The following CSMD1 variants were observed in gnomAD, a reference collection of about 807,000 sequenced individuals.
CSMD1 encodes the protein CUB and Sushi multiple domains 1.
A neutral mutation model predicts 417.5 loss-of-function variants in CSMD1; 213 were observed. The observed-to-expected ratio is 0.51, with a 90% CI of 0.46 to 0.57. CSMD1 has a LOEUF of 0.57. CSMD1 is among the 20% of genes least tolerant of loss of function. CSMD1 has a pLI of 0.00. For missense variants in CSMD1, 6,923 were observed against 4,529.7 expected (o/e 1.53, Z -15.17); for synonymous variants, 2,862 against 1,736.8 (o/e 1.65, Z -16.11).
intron 3 of CSMD1, among the ~76,000 whole-genome samples, chr8:4,228,902 G>A (rs1005702739): frequency 2.0e-5 from 3 of 152,026 alleles, no homozygotes; most frequent in Non-Finnish European, 4.4e-5. Flanking sequence ...GGCTGGTCTT[G>A]AACTCCTGAC....
At chr8:4,326,413 G>T (rs1042778179) in intron 3 of CSMD1, among the ~76,000 whole-genome samples, 1 of 152,070 alleles carries the variant, frequency 6.6e-6, no homozygotes, top group African/African-American at 2.4e-5. Context: ...ATAAAAAGAT[G>T]GGAAAACCAA....
intron 23 of CSMD1, among the ~76,000 whole-genome samples, chr8:3,310,639 T>A (rs141282417): frequency 6.6e-6 from 1 of 152,302 alleles, no homozygotes; most frequent in Non-Finnish European, 1.5e-5. Context: ...GTTCAGCATC[T>A]ATCCCTATGA....
At chr8:3,836,368 G>C (rs1487064428) in intron 5 of CSMD1, among the ~76,000 whole-genome samples, 3 of 152,100 alleles carry the variant, frequency 2.0e-5, no homozygotes, top group African/African-American at 7.2e-5. Flanking sequence ...ATCCTTGTGG[G>C]AATCCCAAGG....
chr8:4,709,019 T>C (rs1808125127), intron 1 of CSMD1, among the ~76,000 whole-genome samples: 2 of 152,232 alleles, frequency 1.3e-5, no homozygotes, highest in African/African-American at 2.4e-5. Context: ...ACAAAATAAA[T>C]GTCTATTGCT....
intron 1 of CSMD1, among the ~76,000 whole-genome samples, chr8:4,676,217 G>C (rs932842728): frequency 2.6e-5 from 4 of 152,030 alleles, no homozygotes; most frequent in African/African-American, 9.7e-5. Context: ...GTGGTACTTG[G>C]GATTGAAGAT....
chr8:3,440,353 T>A (rs534555093), intron 12 of CSMD1, among the ~76,000 whole-genome samples: 30 of 152,342 alleles, frequency 2.0e-4, no homozygotes, highest in Admixed American at 1.7e-3. Context: ...AGTCTATGAG[T>A]CCTATACATA....
At chr8:3,777,915 CCG>C in intron 5 of CSMD1, among the ~76,000 whole-genome samples, 1 of 151,498 alleles carries the variant, frequency 6.6e-6, no homozygotes, top group East Asian at 1.9e-4. Context: ...CACTCCAGAC[CCG>C]CAGCCTCCTT....
At position 3,808,683 on chromosome 8, in the gene CSMD1, G is replaced by C. The variant is rs1052193269; in HGVS notation, c.819-54641C>G. 3.9e-5 allele frequency among the ~76,000 whole-genome samples: 6 copies of C among 152,138 alleles called. 1 individual carries two copies. The highest frequency in any genetic ancestry group is 6.5e-5 in the Admixed American group (1 of 15,272). On this transcript the variant is annotated intron_variant, in intron 5 of 69. Transcript: ENST00000635120. ...GGTCTTGTTTGTAGGATATTTCTGA[G>C]GTTTGGCACTCTAGAAGTTCCCACT...
chr8:3,680,876 G>A (rs1334496931), intron 7 of CSMD1, among the ~76,000 whole-genome samples: 1 of 152,174 alleles, frequency 6.6e-6, no homozygotes, highest in Admixed American at 6.5e-5. Flanking sequence ...ATGCAAGGCT[G>A]GTTCAATATA....
At chr8:4,245,832 ACAT>A (rs1387431874) in intron 3 of CSMD1, among the ~76,000 whole-genome samples, 1 of 152,164 alleles carries the variant, frequency 6.6e-6, no homozygotes, top group East Asian at 1.9e-4. Context: ...GTGCACAATC[ACAT>A]CATTACATAA....
At chr8:4,366,033 G>C (rs1445802310) in intron 3 of CSMD1, among the ~76,000 whole-genome samples, 1 of 152,116 alleles carries the variant, frequency 6.6e-6, no homozygotes, top group Admixed American at 6.5e-5. Flanking sequence ...CGCCCAGGTA[G>C]TGAGCACAGT....
intron 1 of CSMD1, among the ~76,000 whole-genome samples, chr8:4,869,040 C>A (rs528261892): frequency 2.8e-4 from 43 of 151,564 alleles, no homozygotes; most frequent in African/African-American, 1.0e-3. Flanking sequence ...TACTACATAC[C>A]ATTTCCAAAC....
Position 3,842,399 on chromosome 8 carries a change from G to A in CSMD1, c.819-88357C>T, listed in dbSNP as rs1444261549. Among the ~76,000 whole-genome samples the A allele has an allele frequency of 1.4e-4, 21 of 152,168 alleles. 1 individual carries two copies. In the South Asian group the frequency reaches 3.9e-3, roughly 29 times the overall value. On this transcript the variant is annotated intron_variant, in intron 5 of 69. Transcript: ENST00000635120. ...ACTTAAACAAAAATCCTGACAGTTG[G>A]CTGTGCATGTCTTATAGTCTCAAGA...
chr8:4,151,540 T>G (rs1024662253), intron 3 of CSMD1, among the ~76,000 whole-genome samples: 8 of 152,196 alleles, frequency 5.3e-5, no homozygotes, highest in Non-Finnish European at 8.8e-5. Flanking sequence ...ATCATAGACT[T>G]ATACCATAAC....
rs370969494 is a variant in CSMD1 at position 2,998,053 on chromosome 8, G to C, written c.8335C>G (p.Arg2779Gly). Residue 2779 changes from arginine (R) to glycine (G), a missense_variant, in exon 54 of 70, where the codon CGG becomes GGG. Physicochemically the swap from Arg to Gly is moderately radical, Grantham distance 125. Coordinates refer to ENST00000635120, the MANE Select transcript of CSMD1 (RefSeq NM_033225.6). ...LLQGVSRAQC[R>G]SNGQWSSPLP... ...GGGCTACTCCACTGGCCGTTGCTCC[G>C]ACACTGGGCTCGAGACACGCCCTGC... 2.5e-6 allele frequency: 4 copies of C among 1,613,780 alleles called. No individual in the cohort carries two copies. The highest frequency in any genetic ancestry group is 2.7e-5 in the African/African-American group (2 of 74,884).
At chr8:4,275,103 C>T (rs1481687483) in intron 3 of CSMD1, among the ~76,000 whole-genome samples, 1 of 152,056 alleles carries the variant, frequency 6.6e-6, no homozygotes, top group Non-Finnish European at 1.5e-5. Flanking sequence ...AAATGAAAGC[C>T]CTTGGCCTTA....
chr8:3,051,498 G>C (rs1165950222), intron 50 of CSMD1, among the ~76,000 whole-genome samples: 1 of 152,118 alleles, frequency 6.6e-6, no homozygotes, highest in Non-Finnish European at 1.5e-5. Context: ...TGGGTACTAT[G>C]GTTATTACCT....
intron 25 of CSMD1, among the ~76,000 whole-genome samples, chr8:3,291,184 C>T (rs906487927): frequency 1.3e-5 from 2 of 152,146 alleles, no homozygotes; most frequent in African/African-American, 2.4e-5. Flanking sequence ...CCCACTTGAT[C>T]ATTGTGGATA....
In CSMD1 at chr8:4,533,295, G is replaced by A. The variant is rs1796932338; in HGVS notation, c.302+104047C>T. 2.0e-5 allele frequency among the ~76,000 whole-genome samples: 3 copies of A among 152,188 alleles called. 1 individual carries two copies. The highest frequency in any genetic ancestry group is 2.9e-5 in the Non-Finnish European group (2 of 68,032). ...TGCTCCCAAATATCATGCTGAGGAA[G>A]CCAAGTTGTCATGACACAAAGCCAA... is the stretch of plus-strand genomic sequence containing the variant. On this transcript the variant is annotated intron_variant, in intron 2 of 69. Coordinates refer to ENST00000635120, the MANE Select transcript of CSMD1 (RefSeq NM_033225.6).
Sources: allele counts gnomAD v4.1 joint callset (sites outside exome capture counted in the v4.1 genomes callset), GRCh38; gene constraint gnomAD v4.1.1; transcripts MANE v1.5; gene names NCBI Gene and HGNC (gene_info 2026-07-23, HGNC 2026-07-21).